Variants in EGF observed in about 807,000 individuals in gnomAD.
The protein encoded by EGF is epidermal growth factor, also known as pro-epidermal growth factor.
A neutral mutation model predicts 143.8 loss-of-function variants in EGF; 95 were observed. That is an observed-to-expected ratio of 0.66 (90% CI 0.56 to 0.78). The LOEUF is 0.78. Ranked by LOEUF, EGF falls within the 30% of genes least tolerant of loss-of-function variation. The pLI is 0.00. For synonymous variants in EGF, 510 were observed against 510.5 expected (o/e 1.00, Z 0.01); for missense variants, 1,320 against 1,470.9 (o/e 0.90, Z 1.68).
At chr4:109,976,333 T>G in intron 13 of EGF, 98 bp downstream of exon 13, 1 of 1,015,002 alleles carries the variant, frequency 9.9e-7, no homozygotes, top group African/African-American at 1.6e-5. Context: ...CACTTAGCCG[T>G]ATGGGTGAAT....
At chr4:109,975,934 T>C (rs183579620) in intron 12 of EGF, 78 bp from the exon 13 acceptor site, 28 of 1,462,228 alleles carry the variant, frequency 1.9e-5, no homozygotes, top group African/African-American at 1.5e-4. Flanking sequence ...GTAATTTACA[T>C]TGATATTTTC....
chr4:109,970,804 G>A (rs1312475516), intron 11 of EGF, among the ~76,000 whole-genome samples: 1 of 140,494 alleles, frequency 7.1e-6, no homozygotes, highest in Non-Finnish European at 1.5e-5. Context: ...CAGCCTGGGT[G>A]GCAGAGCGAG....
At chr4:109,995,997 A>G (rs532415826) in intron 20 of EGF, among the ~76,000 whole-genome samples, 100 of 152,286 alleles carry the variant, frequency 6.6e-4, no homozygotes, top group African/African-American at 2.3e-3. Context: ...TTCCTAACCT[A>G]TGATAAATTG....
At chr4:109,985,241 C>T (rs1749963855) in intron 16 of EGF, among the ~76,000 whole-genome samples, 1 of 152,164 alleles carries the variant, frequency 6.6e-6, no homozygotes, top group African/African-American at 2.4e-5. Context: ...CTTTCCATAC[C>T]TGGATTGTGT....
chr4:110,010,367 G>C (rs962171626), intron 23 of EGF, among the ~76,000 whole-genome samples: 9 of 152,190 alleles, frequency 5.9e-5, no homozygotes, highest in Non-Finnish European at 8.8e-5. Context: ...AAAGAGCAAT[G>C]TGTCAGGTTC....
chr4:110,004,254 A>G (rs878934141), intron 21 of EGF: 23 of 495,032 alleles, frequency 4.6e-5, no homozygotes, highest in South Asian at 4.5e-4. Flanking sequence ...ACACACACAA[A>G]CACACACACA....
intron 15 of EGF, 81 bp downstream of exon 15, chr4:109,981,056 AT>A: frequency 6.4e-7 from 1 of 1,571,838 alleles, no homozygotes; most frequent in Non-Finnish European, 8.8e-7. Flanking sequence ...GCTTTTGCTG[AT>A]TTTGAATATT....
chr4:109,919,026 A>G (rs1273540232), intron 1 of EGF, among the ~76,000 whole-genome samples: 2 of 152,126 alleles, frequency 1.3e-5, no homozygotes, highest in African/African-American at 4.8e-5. Context: ...AGAACATTTT[A>G]GATTTCTTCT....
chr4:110,008,072 A>G (rs536500489), intron 22 of EGF, 80 bp from the exon 23 acceptor site: 2 of 1,293,732 alleles, frequency 1.5e-6, no homozygotes, highest in South Asian at 2.4e-5. Context: ...TCGTAAAGCC[A>G]TAGACTTTGA....
intron 1 of EGF, among the ~76,000 whole-genome samples, chr4:109,940,096 A>G (rs1158366043): frequency 6.6e-6 from 1 of 152,188 alleles, no homozygotes; most frequent in African/African-American, 2.4e-5. Flanking sequence ...GTTTCCCAAG[A>G]AGGGATCAGG....
intron 22 of EGF, 150 bp downstream of exon 22, chr4:110,004,772 G>GCT: frequency 2.3e-6 from 1 of 429,128 alleles, no homozygotes; most frequent in Non-Finnish European, 4.1e-6. Context: ...CAGCTAGGGA[G>GCT]GTCCTGGGTG....
At chr4:109,998,930 CTTAA>C (rs879587696) in intron 20 of EGF, among the ~76,000 whole-genome samples, 5 of 152,324 alleles carry the variant, frequency 3.3e-5, no homozygotes, top group South Asian at 2.1e-4. Flanking sequence ...TACCTGAGAT[CTTAA>C]TTGTTTCTAG....
At chr4:109,961,565 ATTG>A (rs1407112666) in intron 7 of EGF, among the ~76,000 whole-genome samples, 1 of 152,120 alleles carries the variant, frequency 6.6e-6, no homozygotes, top group Non-Finnish European at 1.5e-5. Context: ...ACTACATTTC[ATTG>A]TATATCTCTA....
chr4:109,957,341 T>G (rs1560688376), intron 5 of EGF, among the ~76,000 whole-genome samples: 3 of 152,182 alleles, frequency 2.0e-5, no homozygotes, highest in Admixed American at 6.5e-5. Flanking sequence ...ACTGGTATCA[T>G]AAGGAAATCC....
intron 1 of EGF, among the ~76,000 whole-genome samples, chr4:109,936,450 A>G (rs1740816717): frequency 6.6e-6 from 1 of 152,016 alleles, no homozygotes; most frequent in Non-Finnish European, 1.5e-5. Context: ...CTTCCTTATT[A>G]GTCTGGCTAG....
At chr4:109,971,522 G>C (rs898298552) in intron 11 of EGF, among the ~76,000 whole-genome samples, 1 of 152,094 alleles carries the variant, frequency 6.6e-6, no homozygotes, top group Non-Finnish European at 1.5e-5. Context: ...AACAGTGTTT[G>C]ATTAATAGCA....
intron 21 of EGF, among the ~76,000 whole-genome samples, chr4:110,001,448 G>A (rs1047353547): frequency 1.3e-5 from 2 of 152,148 alleles, no homozygotes; most frequent in African/African-American, 4.8e-5. Flanking sequence ...TTAGCCTGGT[G>A]TGTAATCAAT....
chr4:109,943,563 C>T (rs1006233916), intron 3 of EGF, 128 bp downstream of exon 3: 4 of 1,046,478 alleles, frequency 3.8e-6, no homozygotes, highest in Non-Finnish European at 5.7e-6. Context: ...AGCACACAGG[C>T]ACCGTTTTCT....
In EGF at chr4:109,993,334, C is replaced by T. The variant is rs1318180776; in HGVS notation, c.2822C>T (p.Ala941Val). ...GAGGGAGGCTATACCTGCATGTGTG[C>T]TGGACGCCTGTCTGAACCAGGACTG... Reference protein sequence around the residue: ...NTEGGYTCMCAGRLSEPGLIC... With the variant: ...NTEGGYTCMCVGRLSEPGLIC... Residue 941 changes from alanine to valine, a missense_variant, in exon 19 of 24, where the codon GCT becomes GTT. This residue lies in a region of EGF where 1,186 missense variants were observed against 1,313.7 expected (regional missense o/e 0.90). Coordinates refer to ENST00000265171, the MANE Select transcript of EGF (RefSeq NM_001963.6). 6.2e-7 allele frequency: 1 copy of T among 1,613,724 alleles called. No individual in the cohort carries two copies. The highest frequency in any genetic ancestry group is 8.5e-7 in the Non-Finnish European group (1 of 1,179,896).
Sources: gnomAD v4.1 joint callset for allele counts (sites outside exome capture counted in the v4.1 genomes callset) on GRCh38, gnomAD v4.1.1 for gene constraint, gnomAD v4.1.1 regional missense constraint, MANE v1.5 for transcripts, NCBI Gene and HGNC (gene_info 2026-07-23, HGNC 2026-07-21) for gene names.